The following KCNT1 variants were observed in gnomAD, a reference collection of about 807,000 sequenced individuals.
KCNT1 encodes potassium sodium-activated channel subfamily T member 1.
A neutral mutation model predicts 147.8 loss-of-function variants in KCNT1; 78 were observed. The ratio of observed to expected loss-of-function variants is 0.53; its 90% CI spans 0.44 to 0.64. The LOEUF (loss-of-function observed/expected upper bound fraction) is 0.64. Among genes scored for constraint, KCNT1 ranks in the 30% least tolerant of loss-of-function variants. The probability of loss-of-function intolerance (pLI) is 0.00; values close to 1 mark genes in which losing one functional copy is unlikely to be tolerated. For missense variants in KCNT1, 1,419 were observed against 1,750.3 expected, an observed-to-expected ratio of 0.81 and a Z score of 3.38; for synonymous variants, 867 against 748.8, an observed-to-expected ratio of 1.16 and a Z score of -2.58.
chr9:135,774,591 G>C (rs1833021901), intron 19 of KCNT1, among the ~76,000 whole-genome samples: 1 of 151,614 alleles, frequency 6.6e-6, no homozygotes, highest in Admixed American at 6.6e-5. Context: ...GTGTCCATGT[G>C]TGGTACGTGT....
intron 20 of KCNT1, among the ~76,000 whole-genome samples, chr9:135,776,411 C>T (rs1833174605): frequency 6.6e-6 from 1 of 152,130 alleles, no homozygotes; most frequent in Non-Finnish European, 1.5e-5. Flanking sequence ...GCACGCACCA[C>T]CACACCTGGC....
chr9:135,713,219 G>A (rs917097156), intron 1 of KCNT1, among the ~76,000 whole-genome samples: 1 of 152,258 alleles, frequency 6.6e-6, no homozygotes, highest in Non-Finnish European at 1.5e-5. Context: ...CTGGCCACGT[G>A]GTTCCCCTGC....
chr9:135,772,647 G>C, intron 18 of KCNT1, 68 bp from the exon 19 acceptor site: 1 of 1,220,256 alleles, frequency 8.2e-7, no homozygotes, highest in East Asian at 3.0e-5. Context: ...GTTCACCTGA[G>C]CTCTGGGAAC....
rs367725504 is a variant in KCNT1 at position 135,772,993 on chromosome 9, G to A, written c.2243+44G>A. ...ACGGCTCCCAGTGGGGGGAGGAGCC[G>A]CCCATGAGTGCGGGGGATGGGTGTC... On this transcript the variant is annotated intron_variant, in intron 19 of 30. Transcript: ENST00000371757. 1.5e-4 allele frequency: 200 copies of A among 1,332,720 alleles called. No individual in the cohort carries two copies. The African/African-American group carries it at 1.5e-3, about 10-fold the overall frequency. The allele number at this position is 1,332,720 out of a possible 1,614,324, so 82.6% of individuals were successfully genotyped here. A position where few individuals can be genotyped will look rare whatever the true frequency, so the allele number is the denominator to read the frequency against.
chr9:135,791,909 G>A (rs1387280497), intron 30 of KCNT1, 28 bp downstream of exon 30: 2 of 1,610,780 alleles, frequency 1.2e-6, no homozygotes, highest in East Asian at 2.2e-5. Context: ...GCTGTGTGGA[G>A]ACCCCCCCTG....
intron 2 of KCNT1, among the ~76,000 whole-genome samples, chr9:135,715,550 A>AGGGCTCTGTCACCACCCAGCCCT (rs1554763511): frequency 4.0e-5 from 6 of 149,042 alleles, no homozygotes; most frequent in African/African-American, 1.5e-4. Flanking sequence ...CACTGTCTCC[A>AGGGCTCTGTCACCACCCAGCCCT]GGGCTCCGTC....
At chr9:135,739,583 TG>T (rs1830478732) in intron 2 of KCNT1, among the ~76,000 whole-genome samples, 3 of 152,064 alleles carry the variant, frequency 2.0e-5, no homozygotes, top group Admixed American at 6.5e-5. Flanking sequence ...ACCCTCTTCA[TG>T]GTGTTCACAC....
chr9:135,741,198 A>C (rs1830551620), intron 2 of KCNT1, among the ~76,000 whole-genome samples: 1 of 152,312 alleles, frequency 6.6e-6, no homozygotes. Context: ...CCTTGGGCAG[A>C]GTAGATGGGA....
At chr9:135,713,089 A>G (rs1246505521) in intron 1 of KCNT1, among the ~76,000 whole-genome samples, 1 of 152,206 alleles carries the variant, frequency 6.6e-6, no homozygotes, top group Non-Finnish European at 1.5e-5. Flanking sequence ...CAAAAGGCAG[A>G]CGGGGTGGGG....
chr9:135,792,002 G>A (rs1474149453), intron 30 of KCNT1, 39 bp from the exon 31 acceptor site: 2 of 1,602,600 alleles, frequency 1.2e-6, no homozygotes, highest in Non-Finnish European at 1.7e-6. Context: ...GGGCTGCCCG[G>A]CCCACATCCA....
chr9:135,710,225 C>T (rs1046226802), intron 1 of KCNT1, among the ~76,000 whole-genome samples: 1 of 152,190 alleles, frequency 6.6e-6, no homozygotes, highest in Non-Finnish European at 1.5e-5. Context: ...GCTCTGAACA[C>T]TTTTCCCTGT....
chr9:135,707,577 G>A (rs560053548), intron 1 of KCNT1, among the ~76,000 whole-genome samples: 4 of 152,222 alleles, frequency 2.6e-5, no homozygotes, highest in Non-Finnish European at 4.4e-5. Context: ...TGGGCACCCA[G>A]GGCCCAGGAC....
chr9:135,788,028 C>G, intron 29 of KCNT1: 2 of 1,215,204 alleles, frequency 1.6e-6, no homozygotes, highest in Non-Finnish European at 2.4e-6. Flanking sequence ...CTGTGCCGGC[C>G]GCCCGCACCT....
At chr9:135,703,603 G>A (rs2131306970) in intron 1 of KCNT1, among the ~76,000 whole-genome samples, 1 of 152,304 alleles carries the variant, frequency 6.6e-6, no homozygotes, top group Non-Finnish European at 1.5e-5. Flanking sequence ...GGACTATCCG[G>A]GGGATGCCTG....
In KCNT1 at chr9:135,770,891, GACA is replaced by G. The variant is rs752708934; in HGVS notation, c.1809_1811del (p.Asn603del). The G allele has an allele frequency of 2.7e-5, 43 of 1,596,640 alleles. No individual in the cohort carries two copies. The highest frequency in any genetic ancestry group is 5.6e-5 in the South Asian group (5 of 88,722). ...GTGCCTCATCGGGCTGAAGCGGGAG[GACA>G]ACAAGAGCATCCTGCTGAACCCGGG... On this transcript the variant is annotated inframe_deletion, in exon 18 of 31. Coordinates refer to ENST00000371757, the MANE Select transcript of KCNT1 (RefSeq NM_020822.3).
At position 135,735,257 on chromosome 9, in the gene KCNT1, G is replaced by A. The variant is rs75272485; in HGVS notation, c.255-14841G>A. ...CTTACTCAGCCACATCGGGGAGGGC[G>A]CTAGGGCAGGTATCGGGAGCGCCAG... On this transcript the variant is annotated intron_variant, in intron 2 of 30. Coordinates refer to ENST00000371757, the MANE Select transcript of KCNT1 (RefSeq NM_020822.3). Among the ~76,000 whole-genome samples the A allele has an allele frequency of 4.2e-3, 633 of 152,306 alleles. 3 individuals are homozygous for A. The highest frequency in any genetic ancestry group is 0.031 in the East Asian group (159 of 5,184).
Position 135,714,821 on chromosome 9 carries a change from C to A in KCNT1, c.254+101C>A. 2 of 847,004 alleles carry A rather than the reference C, an allele frequency of 2.4e-6. No individual in the cohort carries two copies. Among genetic ancestry groups the A allele is most frequent in the Non-Finnish European group, 3.0e-6 (2 of 671,190 alleles). 52.5% of individuals were successfully genotyped at this position (847,004 alleles called of 1,614,324 possible). A position where few individuals can be genotyped will look rare whatever the true frequency, so the allele number is the denominator to read the frequency against. On this transcript the variant is annotated intron_variant, in intron 2 of 30. Transcript: ENST00000371757. The surrounding 1 kb of genome is among the most constrained non-coding windows in gnomAD (Gnocchi z 6.2). ...TGACGGCCGGTCCCGCGCGCCCCCGCAGCCGCCGGCGCCCTTCAACTTTTC... is the reference window on the plus strand; with the variant it reads ...TGACGGCCGGTCCCGCGCGCCCCCGAAGCCGCCGGCGCCCTTCAACTTTTC...
chr9:135,725,497 G>A (rs1454480386), intron 2 of KCNT1, among the ~76,000 whole-genome samples: 5 of 152,212 alleles, frequency 3.3e-5, no homozygotes, highest in Admixed American at 1.3e-4. Context: ...AGCTGGAGAC[G>A]GCGGAGGACC....
At chr9:135,727,256 CCT>C (rs1227439173) in intron 2 of KCNT1, among the ~76,000 whole-genome samples, 8 of 85,834 alleles carry the variant, frequency 9.3e-5, no homozygotes, top group African/African-American at 3.7e-4. Context: ...TCTCTCTCTC[CCT>C]CTTTCTCCCT....
Sources: gnomAD v4.1 joint callset for allele counts (sites outside exome capture counted in the v4.1 genomes callset) on GRCh38, gnomAD v4.1.1 for gene constraint, Gnocchi (gnomAD v3.1) non-coding constraint, MANE v1.5 for transcripts, NCBI Gene and HGNC (gene_info 2026-07-23, HGNC 2026-07-21) for gene names.